Variants in DNAH5 observed in about 807,000 individuals in gnomAD.
DNAH5 encodes axonemal beta dynein heavy chain 5.
A neutral mutation model predicts 518.2 loss-of-function variants in DNAH5; 372 were observed. That is an observed-to-expected ratio of 0.72 (90% CI 0.66 to 0.78). DNAH5 has a LOEUF of 0.78. DNAH5 is among the 30% of genes least tolerant of loss of function. The pLI is 0.00. For missense variants in DNAH5, 5,523 were observed against 5,687.0 expected, an observed-to-expected ratio of 0.97 and a Z score of 0.93; for synonymous variants, 2,039 against 2,025.9, an observed-to-expected ratio of 1.01 and a Z score of -0.17.
intron 65 of DNAH5, among the ~76,000 whole-genome samples, chr5:13,740,656 CT>C (rs1346050677): frequency 6.6e-6 from 1 of 152,196 alleles, no homozygotes; most frequent in African/African-American, 2.4e-5. Flanking sequence ...TTGAGACTCA[CT>C]GTCTTAAACA....
intron 12 of DNAH5, among the ~76,000 whole-genome samples, chr5:13,906,028 G>A (rs1332708119): frequency 6.6e-6 from 1 of 152,144 alleles, no homozygotes; most frequent in African/African-American, 2.4e-5. Context: ...CAGTCTAAAA[G>A]GGCATATTCT....
chr5:13,934,964 T>G (rs987600689), intron 1 of DNAH5, among the ~76,000 whole-genome samples: 2 of 152,246 alleles, frequency 1.3e-5, no homozygotes, highest in African/African-American at 4.8e-5. Context: ...TCTGCCTTCC[T>G]GGCAGGGAGA....
At chr5:13,836,570 G>A (rs1454459507) in intron 35 of DNAH5, among the ~76,000 whole-genome samples, 3 of 152,178 alleles carry the variant, frequency 2.0e-5, no homozygotes, top group Non-Finnish European at 2.9e-5. Flanking sequence ...CAAGAAAGAC[G>A]AGATCCAGGA....
At chr5:13,712,108 G>A (rs1018107903) in intron 75 of DNAH5, among the ~76,000 whole-genome samples, 1 of 151,860 alleles carries the variant, frequency 6.6e-6, no homozygotes, top group Non-Finnish European at 1.5e-5. Flanking sequence ...ACATGGTACT[G>A]GTATAAAAAT....
In DNAH5 at chr5:13,793,170, T is replaced by C. The variant is rs149440077; in HGVS notation, c.8224+345A>G. 5.0e-4 allele frequency among the ~76,000 whole-genome samples: 76 copies of C among 152,304 alleles called. No homozygotes were observed. In the East Asian group the frequency reaches 9.8e-3, roughly 20 times the overall value. On this transcript the variant is annotated intron_variant, in intron 49 of 78. Coordinates refer to ENST00000265104, the MANE Select transcript of DNAH5 (RefSeq NM_001369.3). ...CTACATAAACTTTCGACATGGAACATAGCAATCCAGACCTCAAAACTATGT... is the reference window on the plus strand; with the variant it reads ...CTACATAAACTTTCGACATGGAACACAGCAATCCAGACCTCAAAACTATGT...
intron 44 of DNAH5, among the ~76,000 whole-genome samples, chr5:13,810,777 A>AC: frequency 6.6e-6 from 1 of 150,786 alleles, no homozygotes; most frequent in South Asian, 2.1e-4. Context: ...AACAAACAAA[A>AC]AAACAGGGTT....
chr5:13,859,380 T>C, intron 30 of DNAH5, 72 bp downstream of exon 30: 1 of 1,523,036 alleles, frequency 6.6e-7, no homozygotes, highest in Non-Finnish European at 9.1e-7. Flanking sequence ...ATTATTGCAT[T>C]ATTTAAGGGG....
intron 33 of DNAH5, 43 bp from the exon 34 acceptor site, chr5:13,841,173 T>C: frequency 6.9e-7 from 1 of 1,449,744 alleles, no homozygotes; most frequent in Non-Finnish European, 9.7e-7. Flanking sequence ...TATGGCATAT[T>C]TATGTATTTA....
rs747181287 is a variant in DNAH5 at position 13,769,174 on chromosome 5, G to A, written c.9721-38C>T. On this transcript the variant is annotated intron_variant, in intron 57 of 78. Transcript: ENST00000265104. ...AAAGCAAGCAATACTTCACCAAACA[G>A]TATTAAACATCCAGCTGAAAATGCA... 13 of 1,597,098 alleles carry A rather than the reference G, an allele frequency of 8.1e-6. No homozygotes were observed. The Middle Eastern group carries it at 1.3e-3, about 163-fold the overall frequency.
At chr5:13,758,349 G>A (rs1408655296) in intron 61 of DNAH5, among the ~76,000 whole-genome samples, 1 of 152,030 alleles carries the variant, frequency 6.6e-6, no homozygotes, top group Admixed American at 6.6e-5. Flanking sequence ...CAAAAAATTA[G>A]CCAGGCATGG....
chr5:13,988,204 A>T (rs1236480494), intron 1 of DNAH5, among the ~76,000 whole-genome samples: 1 of 152,212 alleles, frequency 6.6e-6, no homozygotes, highest in Non-Finnish European at 1.5e-5. Flanking sequence ...TCATAGATAA[A>T]ATAAAAGTGG....
intron 1 of DNAH5, among the ~76,000 whole-genome samples, chr5:13,995,987 C>T (rs1459276368): frequency 2.0e-5 from 3 of 152,140 alleles, no homozygotes; most frequent in African/African-American, 4.8e-5. Context: ...TACAGAATTC[C>T]TACCATAAAG....
chr5:13,949,862 C>T (rs1339277889), intron 1 of DNAH5, among the ~76,000 whole-genome samples: 1 of 152,172 alleles, frequency 6.6e-6, no homozygotes, highest in Non-Finnish European at 1.5e-5. Context: ...TAGGACGTTA[C>T]GCTTCTGATC....
intron 12 of DNAH5, among the ~76,000 whole-genome samples, chr5:13,905,113 G>A (rs1380311220): frequency 6.6e-6 from 1 of 152,190 alleles, no homozygotes; most frequent in African/African-American, 2.4e-5. Flanking sequence ...TTCTTTGGCA[G>A]ATATGCCAAT....
intron 11 of DNAH5, 84 bp downstream of exon 11, chr5:13,913,659 A>ATCAT: frequency 6.7e-7 from 1 of 1,487,656 alleles, no homozygotes; most frequent in Non-Finnish European, 9.2e-7. Flanking sequence ...GATGATTTGA[A>ATCAT]TCATTCTAAA....
intron 55 of DNAH5, among the ~76,000 whole-genome samples, chr5:13,775,497 A>T (rs1473560151): frequency 6.6e-6 from 1 of 152,062 alleles, no homozygotes; most frequent in South Asian, 2.1e-4. Flanking sequence ...ATTTAGATAG[A>T]TAATAGAGAG....
In DNAH5 at chr5:13,737,109, A is replaced by C. The variant is rs1048967382; in HGVS notation, c.11455+143T>G. ...AAATTTTTGACCTCCATTTTACGGAATATTTCCCAACAGAAATTCCACAAA... is the reference window on the plus strand; with the variant it reads ...AAATTTTTGACCTCCATTTTACGGACTATTTCCCAACAGAAATTCCACAAA... On this transcript the variant is annotated intron_variant, in intron 66 of 78. Coordinates refer to ENST00000265104, the MANE Select transcript of DNAH5 (RefSeq NM_001369.3). 3.6e-6 allele frequency: 5 copies of C among 1,380,400 alleles called. No homozygotes were observed. The African/African-American group carries it at 7.1e-5, about 20-fold the overall frequency. The allele number at this position is 1,380,400 out of a possible 1,614,324, so 85.5% of individuals were successfully genotyped here.
Position 13,950,396 on chromosome 5 carries a change from C to T in DNAH5, c.13-19152G>A, listed in dbSNP as rs1387006044. Among the ~76,000 whole-genome samples the T allele has an allele frequency of 7.9e-5, 12 of 152,234 alleles. No homozygotes were observed. The East Asian group carries it at 2.1e-3, about 27-fold the overall frequency. ...GGTTCAAGCAATTCTCCTGCCTCAG[C>T]CTCCCAAGTAGCCGGGATTACAGGC... On this transcript the variant is annotated intron_variant, in intron 1 of 78. Coordinates refer to the DNAH5 transcript ENST00000681290.
rs754377047 is a variant in DNAH5 at position 13,913,874 on chromosome 5, T to C, written c.1405A>G (p.Ile469Val). ...AKQFDFSEMY[I>V]FGKFETFHRR... ...TGAAAAGTTTCGAATTTTCCAAAAA[T>C]ATACATCTCGCTAAAATCAAATTGT... The change falls in exon 11 of 79, where the codon ATT becomes GTT. Residue 469 changes from isoleucine to valine, a missense_variant. Ile to Val is a conservative substitution (Grantham distance 29, BLOSUM62 3). Coordinates refer to ENST00000265104, the MANE Select transcript of DNAH5 (RefSeq NM_001369.3). 6 of 1,613,690 alleles carry C rather than the reference T, an allele frequency of 3.7e-6. No homozygotes were observed. The highest frequency in any genetic ancestry group is 5.1e-6 in the Non-Finnish European group (6 of 1,179,668).
Sources: gnomAD v4.1 joint callset for allele counts (sites outside exome capture counted in the v4.1 genomes callset) on GRCh38, gnomAD v4.1.1 for gene constraint, MANE v1.5 for transcripts, NCBI Gene and HGNC (gene_info 2026-07-23, HGNC 2026-07-21) for gene names.